The following JAKMIP3 variants were observed in gnomAD, a reference collection of about 807,000 sequenced individuals.
The protein encoded by JAKMIP3 is Janus kinase and microtubule interacting protein 3, also known as janus kinase and microtubule-interacting protein 3.
In JAKMIP3, 58 loss-of-function variants were observed where a neutral mutation model predicts 118.5. The ratio of observed to expected loss-of-function variants is 0.49; its 90% CI spans 0.40 to 0.61. JAKMIP3 has a LOEUF of 0.61. Among genes scored for constraint, JAKMIP3 ranks in the 20% least tolerant of loss-of-function variants. JAKMIP3 has a pLI of 0.00. For synonymous variants in JAKMIP3, 486 were observed against 451.2 expected, an observed-to-expected ratio of 1.08 and a Z score of -0.98; for missense variants, 950 against 1,109.0, an observed-to-expected ratio of 0.86 and a Z score of 2.04.
chr10:132,178,673 C>G (rs181868469), intron 23 of JAKMIP3, among the ~76,000 whole-genome samples: 39 of 152,278 alleles, frequency 2.6e-4, no homozygotes, highest in Non-Finnish European at 4.4e-4. Flanking sequence ...GTGTGAGAAC[C>G]CTGGGGTTGC....
intron 9 of JAKMIP3, among the ~76,000 whole-genome samples, chr10:132,139,249 T>TGTG (rs376837632): frequency 2.0e-5 from 2 of 99,812 alleles, no homozygotes; most frequent in South Asian, 2.8e-4. Context: ...TCTGTGTGTG[T>TGTG]ATGTGTGTGT....
chr10:132,143,858 CAG>C (rs2054069082), intron 11 of JAKMIP3: 1 of 152,260 alleles, frequency 6.6e-6, no homozygotes, highest in South Asian at 2.1e-4. Context: ...TGTCCGGAAA[CAG>C]GGTTAGGACT....
Position 132,078,888 on chromosome 10 carries a change from T to G in JAKMIP3, c.-138+12827T>G, listed in dbSNP as rs371767128. On this transcript the variant is annotated intron_variant, in intron 1 of 23. Coordinates refer to ENST00000684848, the MANE Select transcript of JAKMIP3 (RefSeq NM_001323087.2). ...CTGCCAGGCCTAGGGGGCCGGATGA[T>G]TGGCCGTGGCCGCCGTGCGCCCTGA... 6.2e-4 allele frequency among the ~76,000 whole-genome samples: 95 copies of G among 152,344 alleles called. 2 individuals are homozygous for G. Among genetic ancestry groups the G allele is most frequent in the African/African-American group, 2.2e-3 (93 of 41,574 alleles).
At chr10:132,105,048 C>A (rs1001549328) in intron 2 of JAKMIP3, 105 bp downstream of exon 2, 4 of 1,337,828 alleles carry the variant, frequency 3.0e-6, no homozygotes, top group Non-Finnish European at 4.1e-6. Flanking sequence ...CTGTGGAAAC[C>A]CCCACCCAGT....
intron 16 of JAKMIP3, among the ~76,000 whole-genome samples, chr10:132,150,800 A>C (rs181192254): frequency 1.4e-5 from 2 of 142,622 alleles, no homozygotes; most frequent in African/African-American, 5.8e-5. Context: ...TCATTTATCC[A>C]TCCTCCATAA....
At chr10:132,155,849 C>T (rs2136274477) in intron 19 of JAKMIP3, among the ~76,000 whole-genome samples, 1 of 152,290 alleles carries the variant, frequency 6.6e-6, no homozygotes, top group Middle Eastern at 3.4e-3. Context: ...GAGAGCCAGC[C>T]CCGGGTGAGC....
rs1055929408 is a variant in JAKMIP3, at chr10:132,117,664, C to T, written c.633+90C>T. 9 of 1,248,716 alleles carry T rather than the reference C, an allele frequency of 7.2e-6. No individual in the cohort carries two copies. The South Asian group carries it at 1.1e-4, about 15-fold the overall frequency. The allele number at this position is 1,248,716 out of a possible 1,614,324, so 77.4% of individuals were successfully genotyped here. A position where few individuals can be genotyped will look rare whatever the true frequency, so the allele number is the denominator to read the frequency against. ...GGGCGGGCGTGGGCGAGGGTGCAGG[C>T]GTGGGCTCGGGGAGCACGCGGGCAG... is the stretch of plus-strand genomic sequence containing the variant. On this transcript the variant is annotated intron_variant, in intron 3 of 23. Coordinates refer to ENST00000684848, the MANE Select transcript of JAKMIP3 (RefSeq NM_001323087.2). This position sits in a 1 kb window ranked among gnomAD's most constrained non-coding sequence, Gnocchi z 8.6.
At chr10:132,090,863 G>A (rs548309729) in intron 1 of JAKMIP3, among the ~76,000 whole-genome samples, 2 of 151,960 alleles carry the variant, frequency 1.3e-5, no homozygotes, top group East Asian at 3.9e-4. Flanking sequence ...TCTTTTAATT[G>A]TGATGTTAGG....
At position 132,153,808 on chromosome 10, in the gene JAKMIP3, T is replaced by C; in HGVS notation, c.2123T>C (p.Val708Ala). Reference protein sequence around the residue: ...ETEAALQRKMVDLESEKELFS... With the variant: ...ETEAALQRKMADLESEKELFS... Reference sequence around the variant, plus strand: ...GAGGCGGCGCTGCAGCGGAAGATGGTGGATCTGGAGAGCGAGAAGGTTGGT... The same window carrying C: ...GAGGCGGCGCTGCAGCGGAAGATGGCGGATCTGGAGAGCGAGAAGGTTGGT... Residue 708 changes from valine to alanine, a missense_variant, in exon 18 of 24, where the codon GTG (valine) becomes GCG (alanine). Coordinates refer to ENST00000684848, the MANE Select transcript of JAKMIP3 (RefSeq NM_001323087.2). 6.2e-7 allele frequency: 1 copy of C among 1,612,880 alleles called. No individual in the cohort carries two copies.
chr10:132,069,581 C>T (rs1337289302), intron 1 of JAKMIP3, among the ~76,000 whole-genome samples: 1 of 152,040 alleles, frequency 6.6e-6, no homozygotes, highest in Non-Finnish European at 1.5e-5. Flanking sequence ...TGGCATCCCC[C>T]CCTGCGTGCA....
chr10:132,091,665 C>G (rs2043107866), intron 1 of JAKMIP3, among the ~76,000 whole-genome samples: 1 of 152,128 alleles, frequency 6.6e-6, no homozygotes, highest in African/African-American at 2.4e-5. Context: ...CTATGTGTGT[C>G]TCTGCACGTG....
intron 9 of JAKMIP3, among the ~76,000 whole-genome samples, chr10:132,138,972 G>A (rs2052500555): frequency 6.6e-6 from 1 of 152,234 alleles, no homozygotes; most frequent in South Asian, 2.1e-4. Flanking sequence ...AATCCTTTGT[G>A]ATAAACCTAT....
intron 1 of JAKMIP3, among the ~76,000 whole-genome samples, chr10:132,086,118 C>T (rs1034443719): frequency 2.0e-5 from 3 of 152,054 alleles, no homozygotes; most frequent in Admixed American, 6.6e-5. Context: ...ATTGTTGACC[C>T]GGTGATCATT....
chr10:132,056,955 C>T (rs1183839146), intron 1 of JAKMIP3, among the ~76,000 whole-genome samples: 1 of 152,256 alleles, frequency 6.6e-6, no homozygotes, highest in Non-Finnish European at 1.5e-5. Flanking sequence ...CAGGTCCTGC[C>T]CTGGGGTCCG....
At position 132,152,189 on chromosome 10, in the gene JAKMIP3, T is replaced by TC. The variant is rs150270453; in HGVS notation, c.2008-763dup. 4.6e-3 allele frequency among the ~76,000 whole-genome samples: 704 copies of TC among 152,122 alleles called. 4 individuals carry two copies. The highest frequency in any genetic ancestry group is 0.016 in the African/African-American group (671 of 41,490). ...CCATGGACTACAGACTGAGCCTGAC[T>TC]CCCCCCTGTGGGAGACCCTGTGCAG... is the stretch of plus-strand genomic sequence containing the variant. On this transcript the variant is annotated intron_variant, in intron 16 of 23. Coordinates refer to ENST00000684848, the MANE Select transcript of JAKMIP3 (RefSeq NM_001323087.2).
rs2044593912 is a variant in JAKMIP3, at chr10:132,100,118, A to C, written c.-137-4554A>C. ...GCTCCCCAGGGCAGATGCAGCTGTG[A>C]CCAGACTCTGCCCAGTGGGTGTCCC... is the stretch of plus-strand genomic sequence containing the variant. On this transcript the variant is annotated intron_variant, in intron 1 of 23. Coordinates refer to ENST00000684848, the MANE Select transcript of JAKMIP3 (RefSeq NM_001323087.2). 1.3e-5 allele frequency among the ~76,000 whole-genome samples: 2 copies of C among 152,124 alleles called. 1 individual carries two copies. The highest frequency in any genetic ancestry group is 2.9e-5 in the Non-Finnish European group (2 of 68,006).
chr10:132,074,913 A>T (rs1180883411), intron 1 of JAKMIP3, among the ~76,000 whole-genome samples: 8 of 152,158 alleles, frequency 5.3e-5, no homozygotes, highest in Admixed American at 3.3e-4. Context: ...CATTTTTCCC[A>T]GCACCATTTA....
intron 3 of JAKMIP3, among the ~76,000 whole-genome samples, chr10:132,127,224 C>CTTTT (rs11354978): frequency 7.8e-6 from 1 of 129,024 alleles, no homozygotes; most frequent in African/African-American, 2.8e-5. Context: ...TTAGACTTTT[C>CTTTT]TTTTTTTTTT....
intron 23 of JAKMIP3, among the ~76,000 whole-genome samples, chr10:132,180,540 T>TGTGTGTGTGTGC (rs1554962729): frequency 3.1e-5 from 1 of 32,696 alleles, no homozygotes; most frequent in Non-Finnish European, 5.4e-5. Context: ...TGTGTGTGTG[T>TGTGTGTGTGTGC]GTGTGCGTGC....
Sources: gnomAD v4.1 joint callset for allele counts (sites outside exome capture counted in the v4.1 genomes callset) on GRCh38, gnomAD v4.1.1 for gene constraint, Gnocchi (gnomAD v3.1) non-coding constraint, MANE v1.5 for transcripts, NCBI Gene and HGNC (gene_info 2026-07-23, HGNC 2026-07-21) for gene names.